The following LBHD1 variants were observed in gnomAD, a reference collection of about 807,000 sequenced individuals.
LBHD1 encodes LBH domain containing 1, also known as LBH domain-containing protein 1.
LBHD1 carries 28 observed loss-of-function variants against 31.1 expected under a neutral mutation model. That is an observed-to-expected ratio of 0.90 (90% CI 0.67 to 1.24). LBHD1 has a LOEUF of 1.24. Among genes scored for constraint, LBHD1 ranks in the 50% most tolerant of loss-of-function variants. LBHD1 has a pLI of 0.00. For synonymous variants in LBHD1, 105 were observed against 116.5 expected (o/e 0.90, Z 0.63); for missense variants, 350 against 323.0 (o/e 1.08, Z -0.64).
intron 4 of LBHD1, chr11:62,665,942 T>C: frequency 6.2e-7 from 1 of 1,610,486 alleles, no homozygotes; most frequent in Non-Finnish European, 8.5e-7. Context: ...GCCGCCCCTT[T>C]GCGGGTAGGG....
At chr11:62,670,293 G>A in intron 1 of LBHD1, 1 of 469,692 alleles carries the variant, frequency 2.1e-6, no homozygotes. Flanking sequence ...TGTGGGCCAA[G>A]AGTTGTGATA....
At chr11:62,663,596 C>T (rs867016680) in intron 5 of LBHD1, among the ~76,000 whole-genome samples, 2 of 148,564 alleles carry the variant, frequency 1.3e-5, no homozygotes, top group Non-Finnish European at 3.0e-5. Context: ...CGGGAGGCTG[C>T]GGCAGGAGAA....
intron 5 of LBHD1, among the ~76,000 whole-genome samples, chr11:62,663,611 G>A (rs954401343): frequency 4.0e-5 from 6 of 149,890 alleles, no homozygotes; most frequent in African/African-American, 1.2e-4. Flanking sequence ...GGAGAATGGC[G>A]TGAACCCAGA....
rs1944905754 is a variant in LBHD1, at chr11:62,669,774, AGACGGCAGATGG to A, written c.168_179del (p.His57_Ser60del). ...TCACCTCACTGGATTCCACCACAATAGACGGCAGATGGGACTTTTGAGAGAAATCCTGAATAG... is the reference window on the plus strand; with the variant it reads ...TCACCTCACTGGATTCCACCACAATAGACTTTTGAGAGAAATCCTGAATAG... On this transcript the variant is annotated inframe_deletion, in exon 3 of 7. Transcript: ENST00000354588. The A allele has an allele frequency of 1.2e-6, 2 of 1,614,060 alleles. No homozygotes were observed.
chr11:62,671,789 G>A lies in LBHD1; in HGVS notation c.-236C>T, dbSNP rs368440830. ...ATGCTGATCTCAGTCGCAATGCTGGGCGCAGGGGCTGGCGTGGGCTACGCG... is the reference window on the plus strand; with the variant it reads ...ATGCTGATCTCAGTCGCAATGCTGGACGCAGGGGCTGGCGTGGGCTACGCG... On this transcript the variant is annotated 5_prime_UTR_variant, in exon 1 of 7. Transcript: ENST00000354588. The A allele has an allele frequency of 3.7e-6, 6 of 1,614,046 alleles. No individual in the cohort carries two copies. The African/African-American group carries it at 6.7e-5, about 18-fold the overall frequency.
At chr11:62,666,182 CAA>C (rs1227920592) in intron 4 of LBHD1, 6 of 709,294 alleles carry the variant, frequency 8.5e-6, no homozygotes, top group Non-Finnish European at 1.4e-5. Flanking sequence ...ACCCTGTCTA[CAA>C]AAAAAATTAA....
At chr11:62,667,835 A>G in intron 3 of LBHD1, 88 bp from the exon 4 acceptor site, 2 of 948,130 alleles carry the variant, frequency 2.1e-6, no homozygotes, top group Non-Finnish European at 3.3e-6. Flanking sequence ...TCATACCTAT[A>G]ATCACAGCAC....
intron 5 of LBHD1, 28 bp downstream of exon 5, chr11:62,664,821 A>C: frequency 6.4e-7 from 1 of 1,553,592 alleles, no homozygotes; most frequent in Non-Finnish European, 8.7e-7. Flanking sequence ...GGTGGGGACG[A>C]CCAACAGGAA....
chr11:62,663,468 A>G, intron 5 of LBHD1, 135 bp from the exon 6 acceptor site: 1 of 843,676 alleles, frequency 1.2e-6, no homozygotes, highest in South Asian at 1.8e-5. Flanking sequence ...GCACTTTGGG[A>G]GGCCGAGGCG....
At chr11:62,668,997 G>A (rs1310898343) in intron 3 of LBHD1, among the ~76,000 whole-genome samples, 1 of 151,678 alleles carries the variant, frequency 6.6e-6, no homozygotes, top group Non-Finnish European at 1.5e-5. Flanking sequence ...TGGGATCTCA[G>A]CTTACTGCAA....
chr11:62,664,326 C>CTTTTTTTT (rs35917869), intron 5 of LBHD1, among the ~76,000 whole-genome samples: 1 of 77,432 alleles, frequency 1.3e-5, no homozygotes, highest in African/African-American at 5.7e-5. Context: ...TCCTGATATT[C>CTTTTTTTT]TTTTTTTTTT....
intron 4 of LBHD1, chr11:62,665,873 T>G (rs755156327): frequency 6.2e-7 from 1 of 1,612,766 alleles, no homozygotes; most frequent in Non-Finnish European, 8.5e-7. Context: ...CTTACCCGAA[T>G]CTCCAGATGG....
In LBHD1 at chr11:62,671,676, G is replaced by A; in HGVS notation, c.-123C>T. 1.3e-6 allele frequency: 2 copies of A among 1,594,304 alleles called. No homozygotes were observed. Among genetic ancestry groups the A allele is most frequent in the Non-Finnish European group, 1.7e-6 (2 of 1,171,224 alleles). On this transcript the variant is annotated 5_prime_UTR_variant, in exon 1 of 7. Coordinates refer to ENST00000354588, the MANE Select transcript of LBHD1 (RefSeq NM_024099.5). ...GCTCTAGCCTGCGCCAAGGGGTAGT[G>A]AGACCGCGCGGCAACAGCTTGCGGC... is the stretch of plus-strand genomic sequence containing the variant.
chr11:62,669,686 C>T lies in LBHD1; in HGVS notation c.268G>A (p.Glu90Lys), dbSNP rs1384821060. 3.1e-6 allele frequency: 5 copies of T among 1,614,090 alleles called. No individual in the cohort carries two copies. In the African/African-American group the frequency reaches 6.7e-5, roughly 22 times the overall value. The part of the protein sequence containing the change: ...EELLLLTDGE[E>K]EDAEAFFQDQ... ...TGGAAGAAGGCCTCAGCATCCTCTT[C>T]CTCACCATCAGTGAGCAGCAGCAGC... Residue 90 changes from glutamate to lysine, a missense_variant, in exon 3 of 7, where the codon GAA becomes AAA. Physicochemically the swap from Glu to Lys is moderately conservative, Grantham distance 56. Coordinates refer to ENST00000354588, the MANE Select transcript of LBHD1 (RefSeq NM_024099.5).
chr11:62,665,278 G>C (rs558607507), intron 4 of LBHD1: 2 of 738,366 alleles, frequency 2.7e-6, no homozygotes, highest in Non-Finnish European at 4.7e-6. Flanking sequence ...GCGGGTCCTC[G>C]GGCTATATAA....
chr11:62,667,918 A>C, intron 3 of LBHD1, 171 bp from the exon 4 acceptor site: 16 of 572,878 alleles, frequency 2.8e-5, no homozygotes, highest in East Asian at 1.2e-4. Flanking sequence ...ACAAAAACAA[A>C]TGAGCCCGGG....
intron 3 of LBHD1, 153 bp from the exon 4 acceptor site, chr11:62,667,900 C>G: frequency 3.3e-6 from 2 of 608,580 alleles, no homozygotes; most frequent in South Asian, 3.9e-5. Context: ...AGTGACACCC[C>G]TAACTCTACA....
In LBHD1 at chr11:62,669,949, G is replaced by A; in HGVS notation, c.83C>T (p.Pro28Leu). 1.2e-6 allele frequency: 2 copies of A among 1,614,106 alleles called. No individual in the cohort carries two copies. Among genetic ancestry groups the A allele is most frequent in the East Asian group, 4.5e-5 (2 of 44,890 alleles). ...SPGSSQHPES[P>L]RLPNPLWDRG... ...GTCCCAGAGAGGGTTGGGCAGCCTG[G>A]GACTTTCTGGATGCTGGGAGGAGCC... The change falls in exon 2 of 7, where the codon CCC (proline) becomes CTC (leucine). Residue 28 changes from proline (P) to leucine (L), a missense_variant. Pro to Leu is a moderately conservative substitution (Grantham distance 98). Coordinates refer to ENST00000354588, the MANE Select transcript of LBHD1 (RefSeq NM_024099.5).
At position 62,671,840 on chromosome 11, in the gene LBHD1, A is replaced by G. The variant is rs371697297; in HGVS notation, c.-287T>C. On this transcript the variant is annotated 5_prime_UTR_variant, in exon 1 of 7. Coordinates refer to ENST00000354588, the MANE Select transcript of LBHD1 (RefSeq NM_024099.5). ...CTCCTCGTTATCGTGACCCCGGGAGAGCGGCGGAAGCAGGAAATGCTAAAG... is the reference window on the plus strand; with the variant it reads ...CTCCTCGTTATCGTGACCCCGGGAGGGCGGCGGAAGCAGGAAATGCTAAAG... 2 of 1,613,906 alleles carry G rather than the reference A, an allele frequency of 1.2e-6. No homozygotes were observed. Among genetic ancestry groups the G allele is most frequent in the South Asian group, 2.2e-5 (2 of 91,074 alleles).
Sources: gnomAD v4.1 joint callset for allele counts (sites outside exome capture counted in the v4.1 genomes callset) on GRCh38, gnomAD v4.1.1 for gene constraint, MANE v1.5 for transcripts, NCBI Gene and HGNC (gene_info 2026-07-23, HGNC 2026-07-21) for gene names.